TRIP4: variants seen among roughly 807,000 people sequenced by gnomAD.
TRIP4 encodes the protein activating signal cointegrator 1.
A neutral mutation model predicts 81.8 loss-of-function variants in TRIP4; 54 were observed. The ratio of observed to expected loss-of-function variants is 0.66; its 90% CI spans 0.53 to 0.83. TRIP4 has a LOEUF of 0.83. TRIP4 is among the 40% of genes least tolerant of loss of function. TRIP4 has a pLI of 0.00. For synonymous variants in TRIP4, 270 were observed against 242.8 expected, an observed-to-expected ratio of 1.11 and a Z score of -1.04; for missense variants, 662 against 683.6, an observed-to-expected ratio of 0.97 and a Z score of 0.35.
In TRIP4 at chr15:64,409,766, C is replaced by T. The variant is rs115922345; in HGVS notation, c.981C>T (p.Thr327=). The change falls in exon 7 of 13, where the codon ACC becomes ACT. Residue 327 remains threonine, a synonymous_variant. Transcript: ENST00000261884. ...CCTCTCGACTTTCTAAGAAGGTCAC[C>T]ATTGACTTTGCAGGAAGGAAGATCC... ...RHASRLSKKV[T]IDFAGRKILE... 2,642 of 1,614,100 alleles carry T rather than the reference C, an allele frequency of 1.6e-3. 45 individuals are homozygous for T. In the African/African-American group the frequency reaches 0.031, roughly 19 times the overall value.
At chr15:64,398,395 C>T (rs1900356499) in intron 4 of TRIP4, among the ~76,000 whole-genome samples, 1 of 125,202 alleles carries the variant, frequency 8.0e-6, no homozygotes, top group African/African-American at 3.2e-5. Flanking sequence ...TGAGACCAGC[C>T]TGGGCAATGT....
chr15:64,450,217 G>A (rs1300259399), intron 12 of TRIP4, among the ~76,000 whole-genome samples: 2 of 151,786 alleles, frequency 1.3e-5, no homozygotes, highest in African/African-American at 2.4e-5. Context: ...GTGAAACCCC[G>A]TCTCTACTAA....
In TRIP4 at chr15:64,397,785, A is replaced by G; in HGVS notation, c.585A>G (p.Glu195=). Residue 195 remains glutamate, a synonymous_variant, in exon 4 of 13, where the codon GAA becomes GAG. Transcript: ENST00000261884. The part of the protein sequence containing the change: ...LICGRIVCEQ[E]GSGPCLFCGT... ...GTGGGCGCATTGTCTGTGAACAAGA[A>G]GGCTCAGGCCCTTGCTTATTCTGTG... 6.2e-7 allele frequency: 1 copy of G among 1,614,252 alleles called. No homozygotes were observed. Among genetic ancestry groups the G allele is most frequent in the African/African-American group, 1.3e-5 (1 of 75,080 alleles).
At chr15:64,405,368 A>G (rs1891600804) in intron 5 of TRIP4, among the ~76,000 whole-genome samples, 1 of 151,688 alleles carries the variant, frequency 6.6e-6, no homozygotes, top group African/African-American at 2.4e-5. Context: ...GTTAGCCAGG[A>G]TGGTCTCGAT....
chr15:64,416,740 C>T (rs994777466), intron 8 of TRIP4, among the ~76,000 whole-genome samples: 32 of 151,876 alleles, frequency 2.1e-4, no homozygotes, highest in African/African-American at 7.5e-4. Flanking sequence ...AAGCAAGAAC[C>T]GTATCTTTTT....
chr15:64,455,079 A>C lies in TRIP4; in HGVS notation c.*15A>C. ...AAGCTGTCTGACCCAGGAGAAAAGG[A>C]ACTATACAGCATAGTGGAGTTTTGT... On this transcript the variant is annotated 3_prime_UTR_variant, in exon 13 of 13. Transcript: ENST00000261884. 2 of 1,613,444 alleles carry C rather than the reference A, an allele frequency of 1.2e-6. No homozygotes were observed. Among genetic ancestry groups the C allele is most frequent in the Non-Finnish European group, 1.7e-6 (2 of 1,179,448 alleles).
chr15:64,417,944 G>C (rs903504779), intron 8 of TRIP4, among the ~76,000 whole-genome samples: 16 of 152,212 alleles, frequency 1.1e-4, no homozygotes, highest in Admixed American at 3.3e-4. Flanking sequence ...CTCTTTTGGT[G>C]TGATATTTGT....
chr15:64,407,527 C>T (rs939494243), intron 6 of TRIP4, among the ~76,000 whole-genome samples: 1 of 151,898 alleles, frequency 6.6e-6, no homozygotes, highest in Non-Finnish European at 1.5e-5. Context: ...ATTAGCCAAG[C>T]GTGGTGGCAG....
At chr15:64,453,478 C>A (rs1042489943) in intron 12 of TRIP4, among the ~76,000 whole-genome samples, 3 of 152,198 alleles carry the variant, frequency 2.0e-5, no homozygotes, top group African/African-American at 7.2e-5. Context: ...GTTAGGGATA[C>A]AAAGGCTGAC....
intron 11 of TRIP4, among the ~76,000 whole-genome samples, chr15:64,429,993 A>G (rs888827910): frequency 1.3e-5 from 2 of 152,074 alleles, no homozygotes; most frequent in Admixed American, 6.6e-5. Flanking sequence ...CCTTTCTTTG[A>G]TAAGTTAAAA....
chr15:64,402,204 C>T (rs1891525750), intron 5 of TRIP4, among the ~76,000 whole-genome samples: 1 of 151,638 alleles, frequency 6.6e-6, no homozygotes, highest in Non-Finnish European at 1.5e-5. Context: ...TGAAACACAC[C>T]TGACAAAAAT....
intron 12 of TRIP4, among the ~76,000 whole-genome samples, chr15:64,453,132 G>A (rs989007809): frequency 2.6e-5 from 4 of 152,162 alleles, no homozygotes; most frequent in Admixed American, 6.5e-5. Flanking sequence ...GCAGTGAGCC[G>A]AGATTATGCC....
intron 11 of TRIP4, among the ~76,000 whole-genome samples, chr15:64,429,258 A>G (rs573637434): frequency 1.3e-5 from 2 of 152,266 alleles, no homozygotes; most frequent in South Asian, 2.1e-4. Flanking sequence ...CAGAGGTTGC[A>G]GTGAGCCGAG....
intron 1 of TRIP4, among the ~76,000 whole-genome samples, chr15:64,388,808 A>T (rs958519055): frequency 2.6e-5 from 4 of 152,064 alleles, no homozygotes; most frequent in African/African-American, 9.7e-5. Flanking sequence ...TTCTCTCTGT[A>T]CCCTGGTTTC....
At chr15:64,388,029 G>C (rs1374460512) in intron 1 of TRIP4, 65 bp downstream of exon 1, 2 of 1,478,822 alleles carry the variant, frequency 1.4e-6, no homozygotes, top group Middle Eastern at 1.8e-4. Flanking sequence ...AGCGAACCGG[G>C]AAGCGGGGAG....
intron 3 of TRIP4, among the ~76,000 whole-genome samples, chr15:64,395,914 T>A (rs1596335721): frequency 1.2e-4 from 1 of 8,590 alleles, no homozygotes; most frequent in Non-Finnish European, 5.6e-3. Context: ...CTAATTTTCT[T>A]TTTTTTTTTT....
In TRIP4 at chr15:64,418,551, A is replaced by G. The variant is rs769779142; in HGVS notation, c.1181A>G (p.His394Arg). 1 of 1,612,360 alleles carries G rather than the reference A, an allele frequency of 6.2e-7. No homozygotes were observed. Among genetic ancestry groups the G allele is most frequent in the South Asian group, 1.1e-5 (1 of 90,982 alleles). Residue 394 changes from histidine to arginine, a missense_variant, in exon 9 of 13, where the codon CAC becomes CGC. By Grantham distance (29) the His-to-Arg change is conservative. Coordinates refer to ENST00000261884, the MANE Select transcript of TRIP4 (RefSeq NM_016213.5). ...TGTTTTTCTGTGTAGTGGGTTGACC[A>G]CACAGGTGCAGCCTCACAGAAGAAG... Reference protein sequence around the residue: ...MYQSPPQWVDHTGAASQKKAF... With the variant: ...MYQSPPQWVDRTGAASQKKAF...
chr15:64,405,184 T>A (rs1486170902), intron 5 of TRIP4, among the ~76,000 whole-genome samples: 1 of 151,562 alleles, frequency 6.6e-6, no homozygotes, highest in Non-Finnish European at 1.5e-5. Context: ...AGATGGAGTC[T>A]TGCTCTGTCG....
chr15:64,388,416 C>G (rs1190326558), intron 1 of TRIP4, among the ~76,000 whole-genome samples: 1 of 152,190 alleles, frequency 6.6e-6, no homozygotes, highest in African/African-American at 2.4e-5. Context: ...AGGTGATTCA[C>G]CTGCCTGAGC....
Sources: allele counts gnomAD v4.1 joint callset (sites outside exome capture counted in the v4.1 genomes callset), GRCh38; gene constraint gnomAD v4.1.1; transcripts MANE v1.5; gene names NCBI Gene and HGNC (gene_info 2026-07-23, HGNC 2026-07-21).